BST1: variants seen among roughly 807,000 people sequenced by gnomAD.
BST1 encodes the protein bone marrow stromal cell antigen 1, also known as ADP-ribosyl cyclase/cyclic ADP-ribose hydrolase 2.
A neutral mutation model predicts 40.6 loss-of-function variants in BST1; 49 were observed. The observed-to-expected ratio is 1.21, with a 90% CI of 0.96 to 1.53. The LOEUF is 1.53. BST1 is among the 40% of genes most tolerant of loss of function. The pLI, the probability that BST1 is intolerant of heterozygous loss-of-function variation, is 0.00. For missense variants in BST1, 423 were observed against 395.9 expected (o/e 1.07, Z -0.58); for synonymous variants, 157 against 159.3 (o/e 0.99, Z 0.11).
At chr4:15,715,226 T>C (rs1720438764) in intron 4 of BST1, 59 bp from the exon 5 acceptor site, 14 of 1,505,208 alleles carry the variant, frequency 9.3e-6, no homozygotes, top group Non-Finnish European at 1.3e-5. Flanking sequence ...AAAATGCACA[T>C]TTCATAGCAG....
At chr4:15,705,871 A>G (rs938728715) in intron 2 of BST1, among the ~76,000 whole-genome samples, 1 of 152,262 alleles carries the variant, frequency 6.6e-6, no homozygotes, top group Admixed American at 6.5e-5. Context: ...TAATTTACAA[A>G]GAAAAGAGGT....
downstream of BST1, among the ~76,000 whole-genome samples, chr4:15,735,408 A>G (rs1332231452): frequency 6.6e-6 from 1 of 152,144 alleles, no homozygotes; most frequent in African/African-American, 2.4e-5. Flanking sequence ...AGTTTAATAG[A>G]GGAAAACAGA....
the BST1 span, among the ~76,000 whole-genome samples, chr4:15,759,253 C>T: frequency 6.6e-6 from 1 of 151,982 alleles, no homozygotes; most frequent in African/African-American, 2.4e-5. Flanking sequence ...ACCCAGATTT[C>T]TGGGCGAAAG....
rs773856042 is a variant in BST1 at position 15,707,594 on chromosome 4, G to A, written c.399G>A (p.Leu133=). The A allele has an allele frequency of 3.6e-5, 58 of 1,613,936 alleles. No homozygotes were observed. Among genetic ancestry groups the A allele is most frequent in the Non-Finnish European group, 4.6e-5 (54 of 1,179,994 alleles). ...GTTTTATGCCCCTGAGCGATGTTCTGTATGGCAGGGTTGCAGATTTCTTGA... is the reference window on the plus strand; with the variant it reads ...GTTTTATGCCCCTGAGCGATGTTCTATATGGCAGGGTTGCAGATTTCTTGA... ...TRRFMPLSDV[L]YGRVADFLSW... Residue 133 remains leucine, a synonymous_variant, in exon 3 of 9, where the codon CTG becomes CTA. Coordinates refer to ENST00000265016, the MANE Select transcript of BST1 (RefSeq NM_004334.3).
rs1325083713 is a variant in BST1, at chr4:15,732,757, A to G, written c.*912A>G. On this transcript the variant is annotated 3_prime_UTR_variant, in exon 9 of 9. Coordinates refer to ENST00000265016, the MANE Select transcript of BST1 (RefSeq NM_004334.3). Reference sequence around the variant, plus strand: ...CCGAGACTGGGTAATTTACAAAAATAAAAATAAAAAAGAGGTTTAATTGAC... The same window carrying G: ...CCGAGACTGGGTAATTTACAAAAATGAAAATAAAAAAGAGGTTTAATTGAC... 6.6e-6 allele frequency: 1 copy of G among 152,260 alleles called. No individual in the cohort carries two copies. The highest frequency in any genetic ancestry group is 1.5e-5 in the Non-Finnish European group (1 of 68,056). 9.4% of individuals were successfully genotyped at this position (152,260 alleles called of 1,614,324 possible). A position where few individuals can be genotyped will look rare whatever the true frequency, so the allele number is the denominator to read the frequency against.
the BST1 span, among the ~76,000 whole-genome samples, chr4:15,751,699 A>G: frequency 2.0e-5 from 3 of 152,030 alleles, no homozygotes; most frequent in South Asian, 2.1e-4. Context: ...ATAGATATAC[A>G]TAGATATAAT....
chr4:15,725,426 G>C (rs1450467632), intron 8 of BST1, among the ~76,000 whole-genome samples: 4 of 152,222 alleles, frequency 2.6e-5, no homozygotes, highest in African/African-American at 9.6e-5. Context: ...CTGTGAATTT[G>C]GCATGCATCG....
At chr4:15,744,585 A>G in the BST1 span, among the ~76,000 whole-genome samples, 1 of 152,196 alleles carries the variant, frequency 6.6e-6, no homozygotes, top group East Asian at 1.9e-4. Context: ...AGACACAGAC[A>G]AACCATATCA....
the BST1 span, among the ~76,000 whole-genome samples, chr4:15,767,754 G>C: frequency 6.6e-6 from 1 of 151,598 alleles, no homozygotes; most frequent in Non-Finnish European, 1.5e-5. Context: ...GGATTGATGT[G>C]GGGAAAACAC....
the BST1 span, among the ~76,000 whole-genome samples, chr4:15,749,762 T>A: frequency 6.6e-6 from 1 of 152,176 alleles, no homozygotes; most frequent in Non-Finnish European, 1.5e-5. Context: ...AGGCATGCAA[T>A]GTGAAATAAG....
downstream of BST1, chr4:15,738,330 A>C (rs1472237907): frequency 6.6e-6 from 1 of 152,570 alleles, no homozygotes; most frequent in Non-Finnish European, 1.5e-5. Context: ...TTTGAAAAGG[A>C]ATTTCAGACA....
downstream of BST1, among the ~76,000 whole-genome samples, chr4:15,741,820 C>T (rs1039930604): frequency 1.3e-5 from 2 of 152,120 alleles, no homozygotes; most frequent in African/African-American, 2.4e-5. Flanking sequence ...GCCCGCAAAG[C>T]GAAAAGTATT....
intron 3 of BST1, among the ~76,000 whole-genome samples, chr4:15,708,579 A>G (rs544307715): frequency 1.3e-5 from 2 of 152,114 alleles, no homozygotes; most frequent in Non-Finnish European, 2.9e-5. Context: ...AGTTACTTCA[A>G]AAGTTAACCT....
At chr4:15,707,719 C>T (rs1719959361) in intron 3 of BST1, 73 bp downstream of exon 3, 1 of 1,550,358 alleles carries the variant, frequency 6.5e-7, no homozygotes, top group Non-Finnish European at 8.8e-7. Context: ...GTGCTAAATG[C>T]TTTCATATGC....
the BST1 span, among the ~76,000 whole-genome samples, chr4:15,751,297 C>T: frequency 3.3e-5 from 5 of 151,924 alleles, no homozygotes; most frequent in Non-Finnish European, 7.4e-5. Flanking sequence ...CCTTATAATC[C>T]CCTTTAATTG....
chr4:15,722,696 G>A (rs1406077447), intron 7 of BST1, among the ~76,000 whole-genome samples, 179 bp from the exon 8 acceptor site: 2 of 148,276 alleles, frequency 1.3e-5, no homozygotes, highest in East Asian at 4.0e-4. Context: ...ACCTCCCAAA[G>A]TGCTGGGATT....
At chr4:15,704,222 G>A (rs562103462) in intron 1 of BST1, among the ~76,000 whole-genome samples, 5 of 145,186 alleles carry the variant, frequency 3.4e-5, no homozygotes, top group Non-Finnish European at 6.0e-5. Flanking sequence ...GTGTATTCTA[G>A]AGCTGAGGAG....
At chr4:15,706,998 G>A (rs1194906241) in intron 2 of BST1, among the ~76,000 whole-genome samples, 1 of 152,176 alleles carries the variant, frequency 6.6e-6, no homozygotes, top group Non-Finnish European at 1.5e-5. Flanking sequence ...AAACACTATG[G>A]TGGAAACTAT....
chr4:15,763,381 C>A, the BST1 span, among the ~76,000 whole-genome samples: 1 of 151,200 alleles, frequency 6.6e-6, no homozygotes, highest in Non-Finnish European at 1.5e-5. Context: ...TATAATACAC[C>A]AAAATATTAA....
Sources: gnomAD v4.1 joint callset for allele counts (sites outside exome capture counted in the v4.1 genomes callset) on GRCh38, gnomAD v4.1.1 for gene constraint, MANE v1.5 for transcripts, NCBI Gene and HGNC (gene_info 2026-07-23, HGNC 2026-07-21) for gene names.